The following PPP1R21 variants were observed in gnomAD, a reference collection of about 807,000 sequenced individuals.
PPP1R21 encodes the protein protein phosphatase 1 regulatory subunit 21.
Under a neutral mutation model 112.8 loss-of-function variants are expected in PPP1R21, and 85 were observed. That is an observed-to-expected ratio of 0.75 (90% CI 0.63 to 0.90). PPP1R21 has a LOEUF of 0.90. PPP1R21 is among the 40% of genes least tolerant of loss of function. The pLI is 0.00. For missense variants in PPP1R21, 1,199 were observed against 901.5 expected, an observed-to-expected ratio of 1.33 and a Z score of -4.23; for synonymous variants, 381 against 322.3, an observed-to-expected ratio of 1.18 and a Z score of -1.95.
chr2:48,508,167 A>G (rs1670475970), intron 19 of PPP1R21, among the ~76,000 whole-genome samples: 1 of 152,184 alleles, frequency 6.6e-6, no homozygotes, highest in East Asian at 1.9e-4. Context: ...TGAAGAGAGA[A>G]AGTAGAGATA....
At chr2:48,468,823 A>G (rs1668319394) in intron 9 of PPP1R21, among the ~76,000 whole-genome samples, 1 of 89,732 alleles carries the variant, frequency 1.1e-5, no homozygotes, top group African/African-American at 4.3e-5. Context: ...TCAAGAAAAA[A>G]AATGTATGTG....
intron 14 of PPP1R21, among the ~76,000 whole-genome samples, chr2:48,487,081 A>G (rs1243245273): frequency 2.0e-5 from 3 of 152,110 alleles, no homozygotes; most frequent in Non-Finnish European, 4.4e-5. Flanking sequence ...ACTGTTTAGC[A>G]TTTGTCTTGG....
At chr2:48,502,791 C>T (rs987258075) in intron 17 of PPP1R21, among the ~76,000 whole-genome samples, 6 of 151,288 alleles carry the variant, frequency 4.0e-5, no homozygotes, top group Non-Finnish European at 7.4e-5. Flanking sequence ...CGCCATTCTC[C>T]TGCCTCAGGC....
In PPP1R21 at chr2:48,465,536, A is replaced by G. The variant is rs147614386; in HGVS notation, c.791A>G (p.Gln264Arg). 6.2e-7 allele frequency: 1 copy of G among 1,613,838 alleles called. No individual in the cohort carries two copies. Among genetic ancestry groups the G allele is most frequent in the East Asian group, 2.2e-5 (1 of 44,870 alleles). ...DIAGQALAFV[Q>R]DLVTALLNFH... ...GCTGGGCAGGCCCTGGCTTTTGTTC[A>G]GGATCTTGTGACGGCTCTTCTAAAC... is the stretch of plus-strand genomic sequence containing the variant. The change falls in exon 9 of 22, where the codon CAG becomes CGG. Residue 264 changes from glutamine to arginine, a missense_variant. By Grantham distance (43) the Gln-to-Arg change is conservative. Transcript: ENST00000294952.
intron 7 of PPP1R21, among the ~76,000 whole-genome samples, chr2:48,463,984 A>T (rs758779652): frequency 2.4e-4 from 36 of 152,136 alleles, no homozygotes; most frequent in African/African-American, 7.2e-4. Flanking sequence ...TGGGAAATAA[A>T]ATAGGCACAC....
chr2:48,450,997 T>G lies in PPP1R21; in HGVS notation c.58-11T>G. On this transcript the variant is annotated splice_polypyrimidine_tract_variant and intron_variant, in intron 1 of 21. Coordinates refer to ENST00000294952, the MANE Select transcript of PPP1R21 (RefSeq NM_001135629.3). ...ATATTAGAAATTGATTATTGCTTTC[T>G]CTGTTTTCAGCTTCGGGCTCAGAAT... 6.2e-7 allele frequency: 1 copy of G among 1,612,196 alleles called. No individual in the cohort carries two copies. Among genetic ancestry groups the G allele is most frequent in the Non-Finnish European group, 8.5e-7 (1 of 1,178,334 alleles).
intron 1 of PPP1R21, among the ~76,000 whole-genome samples, chr2:48,448,798 A>G (rs998377040): frequency 3.5e-4 from 53 of 152,352 alleles, no homozygotes; most frequent in African/African-American, 1.3e-3. Context: ...TCTAGAGCAG[A>G]GTTTACCAAG....
In PPP1R21 at chr2:48,469,527, T is replaced by TAGAGAGC. The variant is rs1558457903; in HGVS notation, c.898-1559_898-1558insGAGAGCA. On this transcript the variant is annotated intron_variant, in intron 9 of 21. Coordinates refer to ENST00000294952, the MANE Select transcript of PPP1R21 (RefSeq NM_001135629.3). Reference sequence around the variant, plus strand: ...TATAGAGCATATATATATATATATATATATATATAGAGCATATATATATAT... The same window carrying TAGAGAGC: ...TATAGAGCATATATATATATATATATAGAGAGCATATATATAGAGCATATATATATAT... 3.3e-3 allele frequency among the ~76,000 whole-genome samples: 195 copies of TAGAGAGC among 59,854 alleles called. 35 individuals are homozygous for TAGAGAGC. The highest frequency in any genetic ancestry group is 7.8e-3 in the South Asian group (12 of 1,542). The allele number at this position is 59,854 out of a possible 152,430, so 39.3% of individuals were successfully genotyped here.
intron 6 of PPP1R21, among the ~76,000 whole-genome samples, chr2:48,460,910 G>C (rs571344023): frequency 6.6e-6 from 1 of 152,198 alleles, no homozygotes; most frequent in Non-Finnish European, 1.5e-5. Flanking sequence ...CTCGTACCAT[G>C]ATAAATTCCT....
At position 48,515,248 on chromosome 2, in the gene PPP1R21, T is replaced by TCTCTCTC. The variant is rs1247831452; in HGVS notation, c.*506_*507insCTCTCCT. On this transcript the variant is annotated 3_prime_UTR_variant, in exon 22 of 22. Transcript: ENST00000294952. ...TCTCTCTCTCTCTCTCTCTCTCTCT[T>TCTCTCTC]CTTTCTCTCTGAGGGAGAGGGAGCC... 2.8e-4 allele frequency: 7 copies of TCTCTCTC among 25,096 alleles called. No homozygotes were observed. The highest frequency in any genetic ancestry group is 1.4e-3 in the Admixed American group (3 of 2,178). The allele number at this position is 25,096 out of a possible 1,614,324, so 1.6% of individuals were successfully genotyped here. A position where few individuals can be genotyped will look rare whatever the true frequency, so the allele number is the denominator to read the frequency against.
At chr2:48,462,002 T>G (rs1377530405) in intron 7 of PPP1R21, among the ~76,000 whole-genome samples, 1 of 152,218 alleles carries the variant, frequency 6.6e-6, no homozygotes, top group Non-Finnish European at 1.5e-5. Flanking sequence ...TATCAAAAAT[T>G]TAAATTCCCC....
At chr2:48,501,821 A>AG (rs1558516993) in intron 17 of PPP1R21, 2 of 152,074 alleles carry the variant, frequency 1.3e-5, no homozygotes, top group East Asian at 3.9e-4. Context: ...AAAAAAAAAA[A>AG]CAAATAAACA....
intron 11 of PPP1R21, among the ~76,000 whole-genome samples, chr2:48,472,239 C>CAAAAAAAAAAAA (rs57711610): frequency 4.6e-5 from 2 of 43,014 alleles, no homozygotes; most frequent in African/African-American, 1.9e-4. Flanking sequence ...GACTCCATCT[C>CAAAAAAAAAAAA]AAAAAAAAAA....
At chr2:48,506,862 C>T (rs974803395) in intron 18 of PPP1R21, among the ~76,000 whole-genome samples, 9 of 149,730 alleles carry the variant, frequency 6.0e-5, no homozygotes, top group Middle Eastern at 3.5e-3. Flanking sequence ...AGGAGAATGG[C>T]GTGAACCTGG....
intron 17 of PPP1R21, among the ~76,000 whole-genome samples, chr2:48,503,791 A>G (rs954293047): frequency 2.8e-5 from 4 of 143,968 alleles, no homozygotes; most frequent in African/African-American, 1.0e-4. Context: ...ACTAAAGATT[A>G]AAAAAAAAAA....
chr2:48,493,242 T>C (rs1213783077), intron 15 of PPP1R21, among the ~76,000 whole-genome samples: 4 of 152,136 alleles, frequency 2.6e-5, no homozygotes, highest in Non-Finnish European at 5.9e-5. Flanking sequence ...CCTGACCTCC[T>C]GATCCACCTG....
At chr2:48,514,446 C>T (rs554962379) in intron 21 of PPP1R21, among the ~76,000 whole-genome samples, 20 of 152,224 alleles carry the variant, frequency 1.3e-4, no homozygotes, top group African/African-American at 4.3e-4. Context: ...TTTGATAAAT[C>T]CAAGATAGTT....
Position 48,514,870 on chromosome 2 carries a change from T to A in PPP1R21, c.*126T>A. ...TAAAGTATTGTTGGACCTAGTAAAC[T>A]AGTCAGTGTTGGAAACGGCCTTGAA... On this transcript the variant is annotated 3_prime_UTR_variant, in exon 22 of 22. Coordinates refer to ENST00000294952, the MANE Select transcript of PPP1R21 (RefSeq NM_001135629.3). 1.2e-6 allele frequency: 1 copy of A among 861,070 alleles called. No individual in the cohort carries two copies. Among genetic ancestry groups the A allele is most frequent in the Non-Finnish European group, 1.9e-6 (1 of 533,232 alleles). The allele number at this position is 861,070 out of a possible 1,614,324, so 53.3% of individuals were successfully genotyped here.
At chr2:48,486,344 A>G (rs1207144239) in intron 13 of PPP1R21, among the ~76,000 whole-genome samples, 1 of 152,172 alleles carries the variant, frequency 6.6e-6, no homozygotes. Flanking sequence ...TAACTGGTAA[A>G]TACAGGATCA....
Sources: gnomAD v4.1 joint callset for allele counts (sites outside exome capture counted in the v4.1 genomes callset) on GRCh38, gnomAD v4.1.1 for gene constraint, MANE v1.5 for transcripts, NCBI Gene and HGNC (gene_info 2026-07-23, HGNC 2026-07-21) for gene names.